The following CPQ variants were observed in gnomAD, a reference collection of about 807,000 sequenced individuals.
CPQ encodes Ser-Met dipeptidase.
In CPQ, 37 loss-of-function variants were observed where a neutral mutation model predicts 45.7. The ratio of observed to expected loss-of-function variants is 0.81; its 90% confidence interval spans 0.62 to 1.07. CPQ has a LOEUF of 1.07. Among genes scored for constraint, CPQ ranks in the 50% least tolerant of loss-of-function variants. The pLI is 0.00. For missense variants in CPQ, 537 were observed against 572.9 expected, an observed-to-expected ratio of 0.94 and a Z score of 0.64; for synonymous variants, 186 against 205.8, an observed-to-expected ratio of 0.90 and a Z score of 0.82.
At chr8:96,964,217 CAT>C (rs1325232273) in intron 4 of CPQ, among the ~76,000 whole-genome samples, 8 of 139,700 alleles carry the variant, frequency 5.7e-5, no homozygotes, top group Non-Finnish European at 1.3e-4. Context: ...CACACACACA[CAT>C]CCTGTTGGAT....
chr8:97,072,610 A>G (rs1370387651), intron 7 of CPQ, among the ~76,000 whole-genome samples: 1 of 152,086 alleles, frequency 6.6e-6, no homozygotes, highest in Admixed American at 6.6e-5. Flanking sequence ...ACTCCTTTCT[A>G]TCCATCTCTC....
rs776880361 is a variant in CPQ, at chr8:96,879,769, A to G, written c.642-29A>G. ...AGTCTTTTGGTCTATTTCCACTTTC[A>G]AGGTAACCTGGTGGCTTCTTCTCTC... is the stretch of plus-strand genomic sequence containing the variant. On this transcript the variant is annotated intron_variant, in intron 3 of 7. Coordinates refer to ENST00000220763, the MANE Select transcript of CPQ (RefSeq NM_016134.4). 5 of 1,588,072 alleles carry G rather than the reference A, an allele frequency of 3.1e-6. No individual in the cohort carries two copies. The South Asian group carries it at 5.5e-5, about 18-fold the overall frequency.
At chr8:96,896,431 A>G (rs1812443921) in intron 4 of CPQ, among the ~76,000 whole-genome samples, 1 of 152,044 alleles carries the variant, frequency 6.6e-6, no homozygotes, top group Non-Finnish European at 1.5e-5. Flanking sequence ...ACTCTGTTCC[A>G]TGTATTTGGT....
chr8:96,871,208 G>T (rs1238037002), intron 3 of CPQ, among the ~76,000 whole-genome samples: 1 of 151,930 alleles, frequency 6.6e-6, no homozygotes, highest in East Asian at 1.9e-4. Flanking sequence ...TAAAATATGT[G>T]TCTATTGCCT....
chr8:97,089,550 T>C lies in CPQ; in HGVS notation c.1255+23340T>C, dbSNP rs149368217. Among the ~76,000 whole-genome samples the C allele has an allele frequency of 3.0e-4, 46 of 152,324 alleles. 1 individual carries two copies. In the East Asian group the frequency reaches 7.7e-3, roughly 26 times the overall value. ...ATGGGCTTAAAAGCAGCAGCTTTGT[T>C]ATAAGAGGATCTTTTAAAAAAAATT... On this transcript the variant is annotated intron_variant, in intron 7 of 7. Transcript: ENST00000220763.
At chr8:96,868,327 T>C (rs1224589811) in intron 3 of CPQ, among the ~76,000 whole-genome samples, 3 of 152,228 alleles carry the variant, frequency 2.0e-5, no homozygotes, top group African/African-American at 7.2e-5. Context: ...GAATCTGATT[T>C]AGACCTTGTG....
intron 1 of CPQ, among the ~76,000 whole-genome samples, chr8:96,755,053 C>A (rs1051976127): frequency 2.0e-5 from 3 of 151,694 alleles, no homozygotes; most frequent in Admixed American, 1.3e-4. Context: ...TAGTTTTTTT[C>A]TTTCTTTTCT....
At chr8:96,932,058 T>C (rs1812981920) in intron 4 of CPQ, among the ~76,000 whole-genome samples, 1 of 152,210 alleles carries the variant, frequency 6.6e-6, no homozygotes, top group African/African-American at 2.4e-5. Flanking sequence ...TAAAATTTTT[T>C]CAAACATATT....
intron 1 of CPQ, among the ~76,000 whole-genome samples, chr8:96,762,560 A>G (rs1810418089): frequency 6.6e-6 from 1 of 152,188 alleles, no homozygotes; most frequent in South Asian, 2.1e-4. Context: ...CTGTAGAGAT[A>G]TCTTAGGGGC....
chr8:96,878,966 G>C (rs1402668035), intron 3 of CPQ, among the ~76,000 whole-genome samples: 1 of 152,166 alleles, frequency 6.6e-6, no homozygotes, highest in Non-Finnish European at 1.5e-5. Context: ...GGTGTGGGAG[G>C]GTTAGGAGCC....
chr8:96,852,936 C>G (rs1213831735), intron 3 of CPQ, among the ~76,000 whole-genome samples: 5 of 152,194 alleles, frequency 3.3e-5, no homozygotes, highest in African/African-American at 7.2e-5. Flanking sequence ...TACATGCCCC[C>G]AAAAGAATAG....
chr8:96,681,412 C>T (rs114716890), intron 1 of CPQ, among the ~76,000 whole-genome samples: 1,810 of 152,274 alleles, frequency 0.012, 47 homozygotes, highest in African/African-American at 0.039. Flanking sequence ...GGGTGAAAGC[C>T]CCAAGCCTTG....
intron 7 of CPQ, among the ~76,000 whole-genome samples, chr8:97,121,119 T>TA (rs35698491): frequency 0.25 from 37,321 of 152,170 alleles, 5,811 homozygotes; most frequent in Non-Finnish European, 0.34. Context: ...ACTAAATAGT[T>TA]ACAGTGCTGT....
intron 3 of CPQ, among the ~76,000 whole-genome samples, chr8:96,877,112 G>A (rs1216481278): frequency 6.6e-6 from 1 of 152,136 alleles, no homozygotes; most frequent in Non-Finnish European, 1.5e-5. Flanking sequence ...GGACGGTGGT[G>A]TTTGTGCTGA....
chr8:96,680,782 C>T (rs1809139996), intron 1 of CPQ, among the ~76,000 whole-genome samples: 1 of 152,066 alleles, frequency 6.6e-6, no homozygotes, highest in African/African-American at 2.4e-5. Flanking sequence ...TCCCTAGAGA[C>T]TTGTTGAATA....
intron 4 of CPQ, among the ~76,000 whole-genome samples, chr8:96,904,829 G>T (rs940955475): frequency 6.6e-6 from 1 of 152,106 alleles, no homozygotes; most frequent in African/African-American, 2.4e-5. Context: ...CAGACTCCAT[G>T]GGCACAGTTC....
chr8:96,978,874 C>T (rs1394768648), intron 5 of CPQ, among the ~76,000 whole-genome samples: 1 of 152,214 alleles, frequency 6.6e-6, no homozygotes, highest in East Asian at 1.9e-4. Flanking sequence ...CTGTATCACA[C>T]ACTTGGCTCA....
chr8:96,868,544 C>T (rs898966553), intron 3 of CPQ, among the ~76,000 whole-genome samples: 1 of 151,898 alleles, frequency 6.6e-6, no homozygotes, highest in African/African-American at 2.4e-5. Context: ...TTATGATTAG[C>T]CTTGTTCATA....
At chr8:97,086,211 C>A (rs1811038138) in intron 7 of CPQ, among the ~76,000 whole-genome samples, 2 of 152,060 alleles carry the variant, frequency 1.3e-5, no homozygotes, top group African/African-American at 4.8e-5. Flanking sequence ...CACAAATTTA[C>A]CTGTAATAAA....
Sources: gnomAD v4.1 joint callset for allele counts (sites outside exome capture counted in the v4.1 genomes callset) on GRCh38, gnomAD v4.1.1 for gene constraint, MANE v1.5 for transcripts, NCBI Gene and HGNC (gene_info 2026-07-23, HGNC 2026-07-21) for gene names.